The following TRIM24 variants were observed in gnomAD, a reference collection of about 807,000 sequenced individuals.
TRIM24 encodes tripartite motif containing 24, also known as transcription intermediary factor 1-alpha.
Under a neutral mutation model 123.9 loss-of-function variants are expected in TRIM24, and 29 were observed. That is an observed-to-expected ratio of 0.23 (90% CI 0.17 to 0.32). The LOEUF is 0.32. Among genes scored for constraint, TRIM24 ranks in the 10% least tolerant of loss-of-function variants. The probability of loss-of-function intolerance (pLI) is 1.00; values close to 1 mark genes in which losing one functional copy is unlikely to be tolerated. For missense variants in TRIM24, 932 were observed against 1,295.3 expected, an observed-to-expected ratio of 0.72 and a Z score of 4.31; for synonymous variants, 456 against 461.1, an observed-to-expected ratio of 0.99 and a Z score of 0.14.
At chr7:138,576,162 T>C (rs917238456) in intron 12 of TRIM24, among the ~76,000 whole-genome samples, 2 of 152,198 alleles carry the variant, frequency 1.3e-5, no homozygotes, top group African/African-American at 4.8e-5. Context: ...CAAGGAATTA[T>C]CTGGCCCAAA....
chr7:138,483,894 C>T (rs1318255544), intron 1 of TRIM24, among the ~76,000 whole-genome samples: 2 of 152,028 alleles, frequency 1.3e-5, no homozygotes, highest in Non-Finnish European at 2.9e-5. Context: ...TGTGCCTGGT[C>T]GCTTTGATAA....
At chr7:138,492,128 C>T (rs1467209085) in intron 1 of TRIM24, among the ~76,000 whole-genome samples, 1 of 151,388 alleles carries the variant, frequency 6.6e-6, no homozygotes, top group Non-Finnish European at 1.5e-5. Context: ...AAAATTTAGC[C>T]AGGCATGGTG....
chr7:138,532,439 G>C (rs938256136), intron 6 of TRIM24, among the ~76,000 whole-genome samples: 2 of 152,136 alleles, frequency 1.3e-5, no homozygotes, highest in African/African-American at 4.8e-5. Flanking sequence ...CATATGGCTA[G>C]CCAGTTTTCC....
At chr7:138,508,676 T>TGGGTGC (rs1554436580) in intron 2 of TRIM24, among the ~76,000 whole-genome samples, 1 of 55,760 alleles carries the variant, frequency 1.8e-5, no homozygotes. Context: ...TGTGTGTGTG[T>TGGGTGC]GTGTGTGTGT....
intron 3 of TRIM24, among the ~76,000 whole-genome samples, chr7:138,516,289 G>A (rs1796393946): frequency 6.6e-6 from 1 of 152,140 alleles, no homozygotes; most frequent in South Asian, 2.1e-4. Context: ...GTGACAGAGC[G>A]AGACTCCGTC....
At chr7:138,535,761 C>T (rs1052204261) in intron 6 of TRIM24, among the ~76,000 whole-genome samples, 2 of 152,106 alleles carry the variant, frequency 1.3e-5, no homozygotes, top group African/African-American at 2.4e-5. Flanking sequence ...GAATGTTGGC[C>T]TGCCTTGCTA....
At chr7:138,577,665 G>GTT in intron 14 of TRIM24, 77 bp downstream of exon 14, 4 of 1,175,650 alleles carry the variant, frequency 3.4e-6, no homozygotes, top group South Asian at 2.7e-5. Flanking sequence ...GCTCTTAGGA[G>GTT]TTTTTTTTTA....
chr7:138,584,861 T>C lies in TRIM24; in HGVS notation c.3063T>C (p.Asp1021=). The change falls in exon 19 of 19, where the codon GAT becomes GAC. Residue 1021 remains aspartate (D), a synonymous_variant. Coordinates refer to ENST00000343526, the MANE Select transcript of TRIM24 (RefSeq NM_015905.3). Reference sequence around the variant, plus strand: ...CAGAATTCAGGAATGAATCAGAAGATAATAAATTTAGTGATGATTCAGATG... The same window carrying C: ...CAGAATTCAGGAATGAATCAGAAGACAATAAATTTAGTGATGATTCAGATG... ...PKPEFRNESE[D]NKFSDDSDDD... The C allele has an allele frequency of 6.2e-7, 1 of 1,613,814 alleles. No individual in the cohort carries two copies. Among genetic ancestry groups the C allele is most frequent in the Non-Finnish European group, 8.5e-7 (1 of 1,179,808 alleles).
intron 15 of TRIM24, among the ~76,000 whole-genome samples, chr7:138,580,088 C>G (rs563029359): frequency 6.6e-6 from 1 of 152,280 alleles, no homozygotes. Flanking sequence ...TTCTCATACC[C>G]TATGGGGATG....
chr7:138,538,140 TATG>T (rs1796932352), intron 6 of TRIM24, among the ~76,000 whole-genome samples: 1 of 152,234 alleles, frequency 6.6e-6, no homozygotes, highest in Non-Finnish European at 1.5e-5. Flanking sequence ...AGACAAATAA[TATG>T]ATGCCTTTTA....
chr7:138,480,060 C>G (rs1795494371), intron 1 of TRIM24, among the ~76,000 whole-genome samples: 1 of 152,172 alleles, frequency 6.6e-6, no homozygotes, highest in African/African-American at 2.4e-5. Context: ...CTCAGGTGAT[C>G]CACTAGCTTC....
At chr7:138,525,820 G>C (rs201770195) in intron 5 of TRIM24, among the ~76,000 whole-genome samples, 1 of 152,158 alleles carries the variant, frequency 6.6e-6, no homozygotes, top group East Asian at 1.9e-4. Flanking sequence ...TTGTTAAACT[G>C]TTCCGCACAC....
chr7:138,495,383 T>TA (rs1795881733), intron 1 of TRIM24, among the ~76,000 whole-genome samples: 1 of 152,198 alleles, frequency 6.6e-6, no homozygotes, highest in South Asian at 2.1e-4. Flanking sequence ...CTGTTTCAAC[T>TA]AATGCATCTT....
intron 1 of TRIM24, among the ~76,000 whole-genome samples, chr7:138,462,442 G>A (rs1795015701): frequency 6.7e-6 from 1 of 148,756 alleles, no homozygotes; most frequent in Non-Finnish European, 1.5e-5. Context: ...CCGGGTTCAC[G>A]CCATTCTCCT....
intron 7 of TRIM24, among the ~76,000 whole-genome samples, chr7:138,543,728 T>G (rs1259747617): frequency 6.6e-6 from 1 of 152,254 alleles, no homozygotes; most frequent in Non-Finnish European, 1.5e-5. Context: ...CCTACTTACC[T>G]TGTATCTATG....
chr7:138,535,968 A>G (rs1796862579), intron 6 of TRIM24, among the ~76,000 whole-genome samples: 2 of 151,922 alleles, frequency 1.3e-5, no homozygotes, highest in African/African-American at 4.8e-5. Context: ...CATTCATTTG[A>G]TCTTCAATCA....
Position 138,579,389 on chromosome 7 carries a change from T to C in TRIM24, c.2442T>C (p.His814=). The change falls in exon 15 of 19, where the codon CAT becomes CAC. Residue 814 remains histidine (H), a synonymous_variant. Transcript: ENST00000343526. ...WLDPSQKSPL[H]VGETRKEDDP... Reference sequence around the variant, plus strand: ...ATCCTTCCCAGAAGTCACCTCTTCATGTTGGAGAGACAAGGAAAGAGGATG... The same window carrying C: ...ATCCTTCCCAGAAGTCACCTCTTCACGTTGGAGAGACAAGGAAAGAGGATG... 4.3e-6 allele frequency: 7 copies of C among 1,614,142 alleles called. No individual in the cohort carries two copies. The highest frequency in any genetic ancestry group is 5.9e-6 in the Non-Finnish European group (7 of 1,180,008).
At chr7:138,538,137 T>C (rs1584727155) in intron 6 of TRIM24, among the ~76,000 whole-genome samples, 1 of 152,210 alleles carries the variant, frequency 6.6e-6, no homozygotes, top group East Asian at 1.9e-4. Flanking sequence ...AATAGACAAA[T>C]AATATGATGC....
At chr7:138,494,901 A>C (rs181996436) in intron 1 of TRIM24, among the ~76,000 whole-genome samples, 1 of 152,190 alleles carries the variant, frequency 6.6e-6, no homozygotes, top group Admixed American at 6.5e-5. Flanking sequence ...TCATCATTGT[A>C]ATAGCAAAAA....
Sources: allele counts gnomAD v4.1 joint callset (sites outside exome capture counted in the v4.1 genomes callset), GRCh38; gene constraint gnomAD v4.1.1; transcripts MANE v1.5; gene names NCBI Gene and HGNC (gene_info 2026-07-23, HGNC 2026-07-21).